Variants in MEF2C observed in about 807,000 individuals in gnomAD.
MEF2C encodes myocyte-specific enhancer factor 2C.
A neutral mutation model predicts 50.5 loss-of-function variants in MEF2C; 6 were observed. The observed-to-expected ratio is 0.12, with a 90% CI of 0.07 to 0.23. The LOEUF (loss-of-function observed/expected upper bound fraction) is 0.23, where lower values mean the gene tolerates loss of function less well. MEF2C is among the 10% of genes least tolerant of loss of function. The pLI, the probability that MEF2C is intolerant of heterozygous loss-of-function variation, is 1.00. For synonymous variants in MEF2C, 183 were observed against 228.0 expected (o/e 0.80, Z 1.78); for missense variants, 276 against 605.0 (o/e 0.46, Z 5.70).
intron 6 of MEF2C, chr5:88,734,422 A>G: frequency 1.0e-6 from 1 of 985,400 alleles, no homozygotes; most frequent in South Asian, 4.7e-5. Context: ...AGCTCGGTAG[A>G]TGCCGATACT....
chr5:88,774,112 A>C (rs998594411), intron 3 of MEF2C, among the ~76,000 whole-genome samples: 2 of 152,196 alleles, frequency 1.3e-5, no homozygotes, highest in Non-Finnish European at 1.5e-5. Context: ...GGCCGACTGG[A>C]AGTCAGAGAT....
chr5:88,768,873 A>G (rs1561919061), intron 3 of MEF2C, among the ~76,000 whole-genome samples: 1 of 152,210 alleles, frequency 6.6e-6, no homozygotes, highest in Admixed American at 6.5e-5. Flanking sequence ...AAGCAGTGCA[A>G]TGTAGGTGTG....
At chr5:88,903,842 C>T (rs1231655631) in intron 1 of MEF2C, 1 of 151,840 alleles carries the variant, frequency 6.6e-6, no homozygotes, top group Non-Finnish European at 1.5e-5. Context: ...ACAGGTACCT[C>T]AGTGGTGCCT....
At chr5:88,737,782 A>G in intron 6 of MEF2C, 1 of 985,432 alleles carries the variant, frequency 1.0e-6, no homozygotes, top group Non-Finnish European at 1.2e-6. Flanking sequence ...CGAAGTTGAA[A>G]AAGAAGGCTT....
At chr5:88,837,502 G>T (rs1359928832) in intron 1 of MEF2C, among the ~76,000 whole-genome samples, 2 of 152,098 alleles carry the variant, frequency 1.3e-5, no homozygotes, top group African/African-American at 4.8e-5. Context: ...AGTTGGGTTC[G>T]CTAGCTGCAT....
intron 5 of MEF2C, chr5:88,749,615 A>C (rs1388682755): frequency 6.3e-6 from 3 of 474,152 alleles, no homozygotes; most frequent in Non-Finnish European, 8.3e-6. Context: ...CAAATTTTTC[A>C]CCGGCCACAG....
In MEF2C at chr5:88,720,710, T is replaced by A. The variant is rs1014865461; in HGVS notation, c.*1894A>T. 1 of 152,580 alleles carries A rather than the reference T, an allele frequency of 6.6e-6. No individual in the cohort carries two copies. Among genetic ancestry groups the A allele is most frequent in the African/African-American group, 2.4e-5 (1 of 41,436 alleles). The allele number at this position is 152,580 out of a possible 1,614,324, so 9.5% of individuals were successfully genotyped here. ...ACTGAAATATCTTTTAAACAATATA[T>A]ATTGACTTTCTTATGGCACTCACTT... On this transcript the variant is annotated 3_prime_UTR_variant, in exon 11 of 11. Transcript: ENST00000504921.
chr5:88,752,532 T>C, intron 4 of MEF2C: 1 of 859,682 alleles, frequency 1.2e-6, no homozygotes, highest in Non-Finnish European at 1.4e-6. Context: ...ACCTTAATTA[T>C]CATTTTTTAA....
chr5:88,828,505 T>G (rs1319250118), intron 1 of MEF2C, among the ~76,000 whole-genome samples: 2 of 152,010 alleles, frequency 1.3e-5, no homozygotes, highest in African/African-American at 2.4e-5. Context: ...AGCTGAAAAC[T>G]GAGCACACTC....
At chr5:88,732,276 CTCTT>C in intron 6 of MEF2C, among the ~76,000 whole-genome samples, 1 of 152,066 alleles carries the variant, frequency 6.6e-6, no homozygotes, top group East Asian at 1.9e-4. Flanking sequence ...GCGTGACTCA[CTCTT>C]TCAGTTCACT....
intron 3 of MEF2C, chr5:88,781,960 G>A (rs892045421): frequency 8.5e-6 from 2 of 234,730 alleles, no homozygotes; most frequent in Non-Finnish European, 1.4e-5. Context: ...GCAACAGAGT[G>A]AGACTCTGTC....
chr5:88,824,182 T>A (rs933039203), intron 1 of MEF2C: 2 of 954,752 alleles, frequency 2.1e-6, no homozygotes, highest in East Asian at 1.1e-4. Context: ...TATGCTTTTT[T>A]AAAGACTAAC....
chr5:88,760,237 C>G (rs957602019), intron 4 of MEF2C, among the ~76,000 whole-genome samples: 1 of 152,184 alleles, frequency 6.6e-6, no homozygotes, highest in Non-Finnish European at 1.5e-5. Context: ...ATGTGGACAA[C>G]AAAATAATAC....
At chr5:88,845,859 T>C (rs1819132604) in intron 1 of MEF2C, among the ~76,000 whole-genome samples, 1 of 152,012 alleles carries the variant, frequency 6.6e-6, no homozygotes, top group South Asian at 2.1e-4. Context: ...GCCTCCCAAG[T>C]AGCTGAGACT....
chr5:88,787,170 ATCT>A (rs1413291789), intron 3 of MEF2C, among the ~76,000 whole-genome samples: 5 of 152,186 alleles, frequency 3.3e-5, no homozygotes, highest in Admixed American at 6.5e-5. Context: ...CCTTTGTTAG[ATCT>A]TCTTAATTTA....
intron 6 of MEF2C, chr5:88,742,687 CA>C: frequency 1.0e-6 from 1 of 985,350 alleles, no homozygotes; most frequent in Non-Finnish European, 1.2e-6. Context: ...GCATATTTTA[CA>C]ACATCCTGAC....
Position 88,873,567 on chromosome 5 carries a change from C to T in MEF2C, c.-143+9388G>A, listed in dbSNP as rs543182392. Reference sequence around the variant, plus strand: ...GAAGCGGAGGGAAAAAATCACATAACGCTCACTCTAAATCAAGCAAGATCA... The same window carrying T: ...GAAGCGGAGGGAAAAAATCACATAATGCTCACTCTAAATCAAGCAAGATCA... On this transcript the variant is annotated intron_variant, in intron 1 of 10. Coordinates refer to ENST00000504921, the MANE Select transcript of MEF2C (RefSeq NM_002397.5). Among the ~76,000 whole-genome samples, 4 of 151,934 alleles carry T rather than the reference C, an allele frequency of 2.6e-5. No individual in the cohort carries two copies. In the South Asian group the frequency reaches 8.3e-4, roughly 32 times the overall value.
At chr5:88,802,007 G>C (rs1798569242) in intron 3 of MEF2C, among the ~76,000 whole-genome samples, 1 of 152,170 alleles carries the variant, frequency 6.6e-6, no homozygotes, top group Admixed American at 6.5e-5. Context: ...GCATAATTCA[G>C]GGAGTTGAAC....
At position 88,721,146 on chromosome 5, in the gene MEF2C, T is replaced by C. The variant is rs1237537669; in HGVS notation, c.*1458A>G. 6.6e-6 allele frequency: 1 copy of C among 152,616 alleles called. No individual in the cohort carries two copies. Among genetic ancestry groups the C allele is most frequent in the South Asian group, 2.1e-4 (1 of 4,826 alleles). 9.5% of individuals were successfully genotyped at this position (152,616 alleles called of 1,614,324 possible). On this transcript the variant is annotated 3_prime_UTR_variant, in exon 11 of 11. Transcript: ENST00000504921. ...TATTTGCAGGACATGTGCCCCAACA[T>C]AGCTTTTCTATTCTGGGCATATTTC... is the stretch of plus-strand genomic sequence containing the variant.
Sources: gnomAD v4.1 joint callset for allele counts (sites outside exome capture counted in the v4.1 genomes callset) on GRCh38, gnomAD v4.1.1 for gene constraint, MANE v1.5 for transcripts, NCBI Gene and HGNC (gene_info 2026-07-23, HGNC 2026-07-21) for gene names.